The following OPCML variants were observed in gnomAD, a reference collection of about 807,000 sequenced individuals.
OPCML encodes opioid binding protein/cell adhesion molecule like, also known as opioid-binding protein/cell adhesion molecule.
OPCML carries 13 observed loss-of-function variants against 37.8 expected under a neutral mutation model. The ratio of observed to expected loss-of-function variants is 0.34; its 90% CI spans 0.22 to 0.55. OPCML has a LOEUF of 0.55. Ranked by LOEUF, OPCML falls within the 20% of genes least tolerant of loss-of-function variation. The pLI is 0.91. For missense variants in OPCML, 341 were observed against 435.6 expected (o/e 0.78, Z 1.93); for synonymous variants, 176 against 168.8 (o/e 1.04, Z -0.33).
chr11:133,517,449 G>T (rs1055879954), intron 1 of OPCML, among the ~76,000 whole-genome samples: 12 of 152,188 alleles, frequency 7.9e-5, no homozygotes, highest in Non-Finnish European at 5.9e-5. Flanking sequence ...GAAAGTGATC[G>T]TGTACTGCTA....
intron 2 of OPCML, among the ~76,000 whole-genome samples, chr11:132,845,147 TA>T (rs1941467676): frequency 6.6e-6 from 1 of 152,084 alleles, no homozygotes; most frequent in African/African-American, 2.4e-5. Context: ...AATTTGACTC[TA>T]GCTCGTTACT....
chr11:133,505,020 G>T (rs1392760335), intron 1 of OPCML, among the ~76,000 whole-genome samples: 1 of 152,196 alleles, frequency 6.6e-6, no homozygotes, highest in Non-Finnish European at 1.5e-5. Context: ...CAGGCACAGG[G>T]GCTGAGCAGC....
chr11:132,974,536 G>A (rs575622094), intron 1 of OPCML, among the ~76,000 whole-genome samples: 18 of 152,286 alleles, frequency 1.2e-4, no homozygotes, highest in Non-Finnish European at 2.1e-4. Flanking sequence ...AAATAGGAAC[G>A]CTTTTACACT....
chr11:133,521,677 A>G (rs1291196252), intron 1 of OPCML, among the ~76,000 whole-genome samples: 1 of 152,222 alleles, frequency 6.6e-6, no homozygotes, highest in African/African-American at 2.4e-5. Flanking sequence ...CATGGGATAA[A>G]GCCAGGGGAC....
At chr11:132,469,636 A>ATGTGTGTGGGGGTGTG (rs2096130020) in intron 4 of OPCML, among the ~76,000 whole-genome samples, 1 of 67,438 alleles carries the variant, frequency 1.5e-5, no homozygotes, top group African/African-American at 5.8e-5. Flanking sequence ...GTGTGTGTGT[A>ATGTGTGTGGGGGTGTG]TGTGTGTGGG....
At chr11:133,232,246 A>C (rs1335192770) in intron 1 of OPCML, among the ~76,000 whole-genome samples, 1 of 152,170 alleles carries the variant, frequency 6.6e-6, no homozygotes, top group Non-Finnish European at 1.5e-5. Flanking sequence ...TTCTCAAGGA[A>C]AAAAGATAAA....
intron 3 of OPCML, among the ~76,000 whole-genome samples, chr11:132,582,719 T>C (rs1356189835): frequency 6.6e-6 from 1 of 152,182 alleles, no homozygotes; most frequent in Non-Finnish European, 1.5e-5. Flanking sequence ...TATGGAGATA[T>C]GCTTTCCATT....
At chr11:132,433,958 C>A (rs1354436823) in intron 7 of OPCML, among the ~76,000 whole-genome samples, 3 of 152,190 alleles carry the variant, frequency 2.0e-5, no homozygotes, top group Admixed American at 6.5e-5. Context: ...CACAAGCCAA[C>A]TAAGACAGTT....
intron 1 of OPCML, among the ~76,000 whole-genome samples, chr11:133,123,601 G>T (rs1313959015): frequency 6.6e-6 from 1 of 152,084 alleles, no homozygotes; most frequent in Non-Finnish European, 1.5e-5. Flanking sequence ...CATCTGGTCA[G>T]CCCGGCATGC....
chr11:132,448,651 G>T (rs1362980179), intron 4 of OPCML, among the ~76,000 whole-genome samples: 3 of 152,194 alleles, frequency 2.0e-5, no homozygotes, highest in Non-Finnish European at 4.4e-5. Flanking sequence ...ACTATGATAA[G>T]CTGACTTCTC....
chr11:132,586,351 A>G (rs1463596291), intron 3 of OPCML, among the ~76,000 whole-genome samples: 1 of 152,184 alleles, frequency 6.6e-6, no homozygotes, highest in African/African-American at 2.4e-5. Flanking sequence ...TTTCTCCTAC[A>G]CAAGTCAGAT....
intron 2 of OPCML, among the ~76,000 whole-genome samples, chr11:132,791,894 G>A (rs1280359387): frequency 6.6e-6 from 1 of 152,212 alleles, no homozygotes; most frequent in African/African-American, 2.4e-5. Context: ...TGGGGCAGAT[G>A]ATGGGTGTAC....
At chr11:132,544,728 C>T (rs914261202) in intron 3 of OPCML, among the ~76,000 whole-genome samples, 1 of 152,142 alleles carries the variant, frequency 6.6e-6, no homozygotes, top group Non-Finnish European at 1.5e-5. Flanking sequence ...AAAACCTCTT[C>T]GCTGGCCTTC....
At chr11:132,620,115 A>T (rs1591633868) in intron 3 of OPCML, among the ~76,000 whole-genome samples, 1 of 125,320 alleles carries the variant, frequency 8.0e-6, no homozygotes, top group East Asian at 1.9e-4. Context: ...CTGTGTAAGC[A>T]ATTTCACATG....
chr11:132,975,529 C>CAAAAAAAAAAAAAAAAAAAAA (rs56882175), intron 1 of OPCML, among the ~76,000 whole-genome samples: 2 of 42,766 alleles, frequency 4.7e-5, no homozygotes, highest in Non-Finnish European at 4.3e-5. Context: ...AGGTTTCAAG[C>CAAAAAAAAAAAAAAAAAAAAA]AAAAAAAAAA....
intron 1 of OPCML, among the ~76,000 whole-genome samples, chr11:133,161,760 C>G (rs1002837577): frequency 6.6e-6 from 1 of 151,986 alleles, no homozygotes; most frequent in African/African-American, 2.4e-5. Context: ...TATCTCCTAC[C>G]CTCAAGAAAC....
intron 1 of OPCML, among the ~76,000 whole-genome samples, chr11:133,241,160 T>C (rs1362552103): frequency 3.3e-5 from 5 of 152,212 alleles, no homozygotes; most frequent in Non-Finnish European, 4.4e-5. Context: ...AAGCCCTCCC[T>C]GAATCCTGAA....
intron 1 of OPCML, among the ~76,000 whole-genome samples, chr11:133,440,829 T>C (rs1036903113): frequency 5.6e-5 from 8 of 141,908 alleles, no homozygotes; most frequent in Non-Finnish European, 1.5e-5. Context: ...TATATATATA[T>C]AAATCATATA....
rs1031292012 is a variant in OPCML, at chr11:132,442,819, T to C, written c.506-5460A>G. The stretch of plus-strand genomic sequence containing the variant: ...ATGTCCCTTGCTCTTCCACTATGAC[T>C]GTGAGGCTTCCCCAGCCATGTGGAA... On this transcript the variant is annotated intron_variant, in intron 4 of 7. Coordinates refer to ENST00000524381, the MANE Select transcript of OPCML (RefSeq NM_001012393.5). Among the ~76,000 whole-genome samples the C allele has an allele frequency of 2.0e-5, 3 of 152,186 alleles. No homozygotes were observed. In the East Asian group the frequency reaches 5.8e-4, roughly 29 times the overall value.
Sources: gnomAD v4.1 joint callset for allele counts (sites outside exome capture counted in the v4.1 genomes callset) on GRCh38, gnomAD v4.1.1 for gene constraint, MANE v1.5 for transcripts, NCBI Gene and HGNC (gene_info 2026-07-23, HGNC 2026-07-21) for gene names.